PTGFRN: variants seen among roughly 807,000 people sequenced by gnomAD.
PTGFRN encodes prostaglandin F2 receptor inhibitor.
A neutral mutation model predicts 83.2 loss-of-function variants in PTGFRN; 35 were observed. That is an observed-to-expected ratio of 0.42 (90% confidence interval 0.32 to 0.56). The LOEUF (loss-of-function observed/expected upper bound fraction) is 0.56. PTGFRN is among the 20% of genes least tolerant of loss of function. The pLI is 0.11. For missense variants in PTGFRN, 1,051 were observed against 1,179.5 expected (o/e 0.89, Z 1.60); for synonymous variants, 519 against 498.6 (o/e 1.04, Z -0.55).
chr1:116,970,914 G>A (rs992896247), intron 6 of PTGFRN, among the ~76,000 whole-genome samples: 2 of 152,150 alleles, frequency 1.3e-5, no homozygotes, highest in Non-Finnish European at 2.9e-5. Context: ...TGAGTGCTGG[G>A]TTTTACTGAT....
In PTGFRN at chr1:116,961,265, G is replaced by T; in HGVS notation, c.1236G>T (p.Leu412=). The T allele has an allele frequency of 6.6e-7, 1 of 1,518,372 alleles. No homozygotes were observed. The highest frequency in any genetic ancestry group is 8.8e-7 in the Non-Finnish European group (1 of 1,134,226). 94.1% of individuals were successfully genotyped at this position (1,518,372 alleles called of 1,614,324 possible). A position where few individuals can be genotyped will look rare whatever the true frequency, so the allele number is the denominator to read the frequency against. ...CAGAACCAGACTACCAGGTGTACCT[G>T]AATGCTTCCAAGGTCCCCGGGTTTG... ...TWLEPDYQVY[L]NASKVPGFAD... Residue 412 remains leucine, a synonymous_variant, in exon 5 of 9, where the codon CTG becomes CTT. Transcript: ENST00000393203. The surrounding 1 kb of genome is among the most constrained non-coding windows in gnomAD (Gnocchi z 5.4).
intron 1 of PTGFRN, among the ~76,000 whole-genome samples, chr1:116,929,197 C>A (rs1213048221): frequency 6.6e-6 from 1 of 152,196 alleles, no homozygotes; most frequent in African/African-American, 2.4e-5. Context: ...TCTTCATTCC[C>A]CACATTCAAA....
Position 116,945,046 on chromosome 1 carries a change from C to T in PTGFRN, c.786C>T (p.Ile262=), listed in dbSNP as rs1393936112. The change falls in exon 3 of 9, where the codon ATC becomes ATT. Residue 262 remains isoleucine, a synonymous_variant. Coordinates refer to ENST00000393203, the MANE Select transcript of PTGFRN (RefSeq NM_020440.4). ...CCGAGCAGGGCAACTGGCAGGAAAT[C>T]CAAGAAAAGGCCGTGGAAGTTGCCA... The part of the protein sequence containing the change: ...WIAEQGNWQE[I]QEKAVEVATV... 1.2e-6 allele frequency: 2 copies of T among 1,613,598 alleles called. No individual in the cohort carries two copies.
rs79598424 is a variant in PTGFRN at position 116,931,344 on chromosome 1, G to A, written c.50-10371G>A. ...CCTCCTGACTCTTAGCATACCATAC[G>A]TGCCTTAAAAGAAGATCCACAAGCT... On this transcript the variant is annotated intron_variant, in intron 1 of 8. Coordinates refer to ENST00000393203, the MANE Select transcript of PTGFRN (RefSeq NM_020440.4). 3.4e-4 allele frequency among the ~76,000 whole-genome samples: 52 copies of A among 152,188 alleles called. 1 individual carries two copies. In the Middle Eastern group the frequency reaches 0.01, roughly 30 times the overall value.
rs753357980 is a variant in PTGFRN, at chr1:116,961,573, G to C, written c.1544G>C (p.Cys515Ser). The change falls in exon 5 of 9, where the codon TGT becomes TCT. Residue 515 changes from cysteine to serine, a missense_variant. Cys to Ser is a moderately radical substitution (Grantham distance 112). Transcript: ENST00000393203. This position sits in a 1 kb window ranked among gnomAD's most constrained non-coding sequence, Gnocchi z 5.4. Reference sequence around the variant, plus strand: ...GAGGAAGACAGAGGCAATTATTACTGTGTTGTGTCTGCCTGGACCAAACAG... The same window carrying C: ...GAGGAAGACAGAGGCAATTATTACTCTGTTGTGTCTGCCTGGACCAAACAG... The part of the protein sequence containing the change: ...TTEEDRGNYY[C>S]VVSAWTKQRN... 6.2e-7 allele frequency: 1 copy of C among 1,614,220 alleles called. No homozygotes were observed. Among genetic ancestry groups the C allele is most frequent in the Non-Finnish European group, 8.5e-7 (1 of 1,180,046 alleles).
intron 6 of PTGFRN, among the ~76,000 whole-genome samples, chr1:116,968,914 A>G (rs1650914676): frequency 6.6e-6 from 1 of 152,060 alleles, no homozygotes; most frequent in Admixed American, 6.6e-5. Flanking sequence ...ATAATATTTC[A>G]TTGTATGGAT....
At chr1:116,935,613 T>C (rs1649900787) in intron 1 of PTGFRN, among the ~76,000 whole-genome samples, 1 of 152,206 alleles carries the variant, frequency 6.6e-6, no homozygotes, top group Non-Finnish European at 1.5e-5. Flanking sequence ...CCCCCAAATA[T>C]TTGAGTCAAC....
intron 3 of PTGFRN, among the ~76,000 whole-genome samples, chr1:116,948,920 A>C (rs1486912399): frequency 6.6e-6 from 1 of 152,232 alleles, no homozygotes. Context: ...TTTGAGGATT[A>C]TTATATGTAA....
Position 116,961,349 on chromosome 1 carries a change from T to C in PTGFRN, c.1320T>C (p.Asn440=). The C allele has an allele frequency of 6.3e-7, 1 of 1,589,334 alleles. No individual in the cohort carries two copies. The highest frequency in any genetic ancestry group is 8.6e-7 in the Non-Finnish European group (1 of 1,165,216). Residue 440 remains asparagine (N), a synonymous_variant, in exon 5 of 9, where the codon AAT becomes AAC. Transcript: ENST00000393203. The surrounding 1 kb of genome is among the most constrained non-coding windows in gnomAD (Gnocchi z 5.4). ...RVVDTKSGEA[N]VRFTVSWYYR... ...TGGACACGAAGAGTGGGGAGGCGAA[T>C]GTCCGATTCACGGTTTCGTGGTACT... is the stretch of plus-strand genomic sequence containing the variant.
At position 116,912,677 on chromosome 1, in the gene PTGFRN, AT is replaced by A. The variant is rs897417281; in HGVS notation, c.49+2430del. ...AAGCTCATCCTTTTCCTAAATGATC[AT>A]TTTTGGGGCTCCCACCTGTTCTCAC... On this transcript the variant is annotated intron_variant, in intron 1 of 8. Transcript: ENST00000393203. 4.9e-4 allele frequency among the ~76,000 whole-genome samples: 74 copies of A among 152,006 alleles called. 1 individual carries two copies. The highest frequency in any genetic ancestry group is 1.4e-3 in the African/African-American group (60 of 41,400).
chr1:116,935,286 GT>G (rs1557961565), intron 1 of PTGFRN, among the ~76,000 whole-genome samples: 2 of 152,162 alleles, frequency 1.3e-5, no homozygotes, highest in African/African-American at 4.8e-5. Flanking sequence ...GAAGCTCTGA[GT>G]TACTTACTTC....
intron 5 of PTGFRN, among the ~76,000 whole-genome samples, chr1:116,963,579 G>A (rs556299669): frequency 3.1e-4 from 47 of 152,154 alleles, no homozygotes; most frequent in African/African-American, 1.0e-3. Flanking sequence ...GGGGTGGGGA[G>A]TGAGGGTTGT....
Position 116,955,171 on chromosome 1 carries a change from A to T in PTGFRN, c.1213+5599A>T, listed in dbSNP as rs1048118449. ...TAAAGCCTTTCTTTAGGGGAGGGTC[A>T]CTCTTTTGGAGTCTGTGCATAGCTT... On this transcript the variant is annotated intron_variant, in intron 4 of 8. Transcript: ENST00000393203. 2.6e-5 allele frequency among the ~76,000 whole-genome samples: 4 copies of T among 151,976 alleles called. No individual in the cohort carries two copies. In the East Asian group the frequency reaches 7.7e-4, roughly 29 times the overall value.
At chr1:116,978,791 C>T (rs1209289901) in intron 7 of PTGFRN, among the ~76,000 whole-genome samples, 3 of 152,270 alleles carry the variant, frequency 2.0e-5, no homozygotes, top group East Asian at 1.9e-4. Flanking sequence ...AAACTGGAAG[C>T]ATTCCCTTTG....
intron 1 of PTGFRN, among the ~76,000 whole-genome samples, chr1:116,922,892 A>T (rs994570982): frequency 1.3e-5 from 2 of 152,190 alleles, no homozygotes; most frequent in Admixed American, 1.3e-4. Context: ...TTTGGTTTAT[A>T]TATTTGTCTT....
At position 116,941,749 on chromosome 1, in the gene PTGFRN, A is replaced by G. The variant is rs767960671; in HGVS notation, c.84A>G (p.Thr28=). 4.3e-6 allele frequency: 7 copies of G among 1,614,014 alleles called. No individual in the cohort carries two copies. The highest frequency in any genetic ancestry group is 5.9e-6 in the Non-Finnish European group (7 of 1,179,948). The change falls in exon 2 of 9, where the codon ACA becomes ACG. Residue 28 remains threonine, a synonymous_variant. Coordinates refer to ENST00000393203, the MANE Select transcript of PTGFRN (RefSeq NM_020440.4). This position sits in a 1 kb window ranked among gnomAD's most constrained non-coding sequence, Gnocchi z 5.0. The stretch of plus-strand genomic sequence containing the variant: ...GAGGGCGTGTGGTGAGAGTCCCCAC[A>G]GCGACCCTGGTTCGAGTGGTGGGCA... ...LCRGRVVRVP[T]ATLVRVVGTE... is the part of the protein sequence containing the mutation.
intron 7 of PTGFRN, among the ~76,000 whole-genome samples, chr1:116,974,699 G>C (rs1363453013): frequency 2.0e-5 from 3 of 152,212 alleles, no homozygotes; most frequent in African/African-American, 7.2e-5. Context: ...TGCTGCTCTA[G>C]ATACTGGGAA....
At chr1:116,940,490 C>T (rs1310882254) in intron 1 of PTGFRN, among the ~76,000 whole-genome samples, 1 of 152,156 alleles carries the variant, frequency 6.6e-6, no homozygotes, top group Non-Finnish European at 1.5e-5. Context: ...TCTGTGACAA[C>T]CCTGTTGCCA....
rs1025055242 is a variant in PTGFRN, at chr1:116,918,612, G to A, written c.49+8360G>A. 1.2e-4 allele frequency among the ~76,000 whole-genome samples: 19 copies of A among 152,246 alleles called. No individual in the cohort carries two copies. The highest frequency in any genetic ancestry group is 4.6e-4 in the African/African-American group (19 of 41,462). ...TTACTTGGTAGTCTGGGCTTTCTCA[G>A]TGGGACTGAGGCAAAGCCATGGTCA... On this transcript the variant is annotated intron_variant, in intron 1 of 8. Transcript: ENST00000393203. The surrounding 1 kb of genome is among the most constrained non-coding windows in gnomAD (Gnocchi z 4.1).
Sources: allele counts gnomAD v4.1 joint callset (sites outside exome capture counted in the v4.1 genomes callset), GRCh38; gene constraint gnomAD v4.1.1; non-coding constraint Gnocchi (gnomAD v3.1); transcripts MANE v1.5; gene names NCBI Gene and HGNC (gene_info 2026-07-23, HGNC 2026-07-21).